TSGA10: variants seen among roughly 807,000 people sequenced by gnomAD.
The protein encoded by TSGA10 is testis-specific gene 10 protein.
A neutral mutation model predicts 96.6 loss-of-function variants in TSGA10; 43 were observed. That is an observed-to-expected ratio of 0.44 (90% CI 0.35 to 0.57). The LOEUF (loss-of-function observed/expected upper bound fraction) is 0.57. Ranked by LOEUF, TSGA10 falls within the 20% of genes least tolerant of loss-of-function variation. The pLI is 0.01. For missense variants in TSGA10, 703 were observed against 834.4 expected, an observed-to-expected ratio of 0.84 and a Z score of 1.94; for synonymous variants, 229 against 269.9, an observed-to-expected ratio of 0.85 and a Z score of 1.48.
chr2:98,999,926 G>A (rs998269441), intron 20 of TSGA10, among the ~76,000 whole-genome samples: 1 of 152,066 alleles, frequency 6.6e-6, no homozygotes, highest in Non-Finnish European at 1.5e-5. Flanking sequence ...TTTTTTTTGT[G>A]TGTGTATTTT....
At chr2:99,129,290 G>A (rs2092962833) in intron 1 of TSGA10, among the ~76,000 whole-genome samples, 2 of 152,104 alleles carry the variant, frequency 1.3e-5, no homozygotes, top group Non-Finnish European at 2.9e-5. Context: ...TTAAGAACAA[G>A]CAATGTCCAA....
intron 16 of TSGA10, among the ~76,000 whole-genome samples, chr2:99,054,962 A>G (rs2083804833): frequency 6.6e-6 from 1 of 152,232 alleles, no homozygotes. Context: ...GTGTCTTTAA[A>G]AATTTAAAAC....
chr2:99,012,567 G>GT (rs561750479), intron 20 of TSGA10, among the ~76,000 whole-genome samples: 70 of 151,664 alleles, frequency 4.6e-4, no homozygotes, highest in Non-Finnish European at 8.5e-4. Flanking sequence ...AGCAACATCA[G>GT]TAAAAAAAAG....
chr2:99,003,433 CT>C (rs1345346000), intron 20 of TSGA10, among the ~76,000 whole-genome samples: 4 of 152,336 alleles, frequency 2.6e-5, no homozygotes, highest in African/African-American at 9.6e-5. Context: ...TTGAACTCAG[CT>C]CTGCACCAAG....
intron 9 of TSGA10, among the ~76,000 whole-genome samples, chr2:99,104,562 C>T (rs577568136): frequency 6.6e-6 from 1 of 152,114 alleles, no homozygotes; most frequent in East Asian, 1.9e-4. Flanking sequence ...GCAATCTCCA[C>T]CTCCCGGGTG....
intron 1 of TSGA10, chr2:99,150,449 T>C (rs758926348): frequency 8.3e-7 from 1 of 1,206,728 alleles, no homozygotes; most frequent in Non-Finnish European, 1.2e-6. Flanking sequence ...AAATTCCTGC[T>C]GCATTCACTT....
intron 2 of TSGA10, among the ~76,000 whole-genome samples, chr2:99,123,441 T>A (rs1160229544): frequency 6.6e-6 from 1 of 152,202 alleles, no homozygotes; most frequent in Non-Finnish European, 1.5e-5. Context: ...TAGTCTCGTG[T>A]TCACTGATTC....
chr2:99,038,811 T>C (rs544826592), intron 16 of TSGA10, among the ~76,000 whole-genome samples: 1 of 152,280 alleles, frequency 6.6e-6, no homozygotes, highest in African/African-American at 2.4e-5. Context: ...TTACAGAACA[T>C]TCTACCGAAC....
chr2:99,095,891 G>A (rs562172551), intron 10 of TSGA10, among the ~76,000 whole-genome samples: 6 of 152,112 alleles, frequency 3.9e-5, no homozygotes, highest in South Asian at 2.1e-4. Context: ...CACCAGCCTC[G>A]GCCTCCCAAA....
chr2:99,006,796 T>C lies in TSGA10; in HGVS notation c.2073-8575A>G, dbSNP rs552957466. ...TTGACCCAGCCATCCCATTACTGGGTATATACCCAAAGGATTATAAATCAT... is the reference window on the plus strand; with the variant it reads ...TTGACCCAGCCATCCCATTACTGGGCATATACCCAAAGGATTATAAATCAT... On this transcript the variant is annotated intron_variant, in intron 20 of 20. Transcript: ENST00000393483. 4.6e-4 allele frequency among the ~76,000 whole-genome samples: 70 copies of C among 152,338 alleles called. 1 individual carries two copies. In the South Asian group the frequency reaches 0.014, roughly 31 times the overall value.
chr2:99,115,639 G>T (rs2092197927), intron 4 of TSGA10, among the ~76,000 whole-genome samples: 1 of 152,024 alleles, frequency 6.6e-6, no homozygotes, highest in South Asian at 2.1e-4. Flanking sequence ...CAGCACTTTG[G>T]GAGGCCAAGG....
chr2:99,030,875 C>T (rs143377695), intron 17 of TSGA10, among the ~76,000 whole-genome samples: 2 of 152,144 alleles, frequency 1.3e-5, no homozygotes, highest in African/African-American at 4.8e-5. Context: ...AGACATACCA[C>T]GTTCATGAAT....
At chr2:99,150,689 C>T in intron 1 of TSGA10, 1 of 1,613,864 alleles carries the variant, frequency 6.2e-7, no homozygotes, top group Non-Finnish European at 8.5e-7. Context: ...TTTCAAAACA[C>T]CAAGAAAATA....
Position 99,117,772 on chromosome 2 carries a change from G to A in TSGA10, c.-355-13C>T. 2 of 978,962 alleles carry A rather than the reference G, an allele frequency of 2.0e-6. No individual in the cohort carries two copies. Among genetic ancestry groups the A allele is most frequent in the Non-Finnish European group, 2.4e-6 (2 of 824,016 alleles). 60.6% of individuals were successfully genotyped at this position (978,962 alleles called of 1,614,324 possible). A position where few individuals can be genotyped will look rare whatever the true frequency, so the allele number is the denominator to read the frequency against. On this transcript the variant is annotated splice_polypyrimidine_tract_variant and intron_variant, in intron 3 of 20. Coordinates refer to ENST00000393483, the MANE Select transcript of TSGA10 (RefSeq NM_025244.4). ...TGAGATCTTCAATCTGTTATTATCAGAAAAAAAATCACATTAAAATAATTC... is the reference window on the plus strand; with the variant it reads ...TGAGATCTTCAATCTGTTATTATCAAAAAAAAAATCACATTAAAATAATTC...
At chr2:99,114,650 T>G (rs1476634696) in intron 4 of TSGA10, among the ~76,000 whole-genome samples, 1 of 152,194 alleles carries the variant, frequency 6.6e-6, no homozygotes, top group Non-Finnish European at 1.5e-5. Flanking sequence ...ACCTGTAAAT[T>G]TAATACTTAC....
intron 9 of TSGA10, among the ~76,000 whole-genome samples, chr2:99,105,088 G>C (rs1179396398): frequency 6.6e-6 from 1 of 152,106 alleles, no homozygotes; most frequent in African/African-American, 2.4e-5. Flanking sequence ...AGATGAGAAA[G>C]TAGATAAGAT....
intron 1 of TSGA10, among the ~76,000 whole-genome samples, chr2:99,153,962 T>C (rs548538748): frequency 6.6e-6 from 1 of 152,210 alleles, no homozygotes; most frequent in African/African-American, 2.4e-5. Flanking sequence ...CACAAATTCT[T>C]TGGGCTTCTT....
chr2:99,142,623 TATTTTAGATTAAG>T (rs1468373049), intron 1 of TSGA10, among the ~76,000 whole-genome samples: 1 of 152,230 alleles, frequency 6.6e-6, no homozygotes, highest in Non-Finnish European at 1.5e-5. Context: ...GTGTCCCTGT[TATTTTAGATTAAG>T]AGGTTAGAGG....
chr2:99,130,168 A>G (rs1178754439), intron 1 of TSGA10, among the ~76,000 whole-genome samples: 1 of 152,186 alleles, frequency 6.6e-6, no homozygotes, highest in Non-Finnish European at 1.5e-5. Context: ...TGCTGTGTCA[A>G]ATGGTATTTC....
Sources: gnomAD v4.1 joint callset for allele counts (sites outside exome capture counted in the v4.1 genomes callset) on GRCh38, gnomAD v4.1.1 for gene constraint, MANE v1.5 for transcripts, NCBI Gene and HGNC (gene_info 2026-07-23, HGNC 2026-07-21) for gene names.